MDN1: variants seen among roughly 807,000 people sequenced by gnomAD.
MDN1 encodes the protein midasin AAA ATPase 1.
MDN1 carries 266 observed loss-of-function variants against 669.2 expected under a neutral mutation model. That is an observed-to-expected ratio of 0.40 (90% CI 0.36 to 0.44). MDN1 has a LOEUF of 0.44. Among genes scored for constraint, MDN1 ranks in the 20% least tolerant of loss-of-function variants. The pLI is 1.00. For synonymous variants in MDN1, 2,385 were observed against 2,457.1 expected (o/e 0.97, Z 0.87); for missense variants, 5,940 against 6,754.0 (o/e 0.88, Z 4.22).
chr6:89,746,611 A>AAAAAAAAAAAAGAAAG (rs1554191094), intron 27 of MDN1, among the ~76,000 whole-genome samples: 1 of 40,532 alleles, frequency 2.5e-5, no homozygotes, highest in African/African-American at 9.1e-5. Flanking sequence ...AAAAAAAAAA[A>AAAAAAAAAAAAGAAAG]AAAGAAAGAA....
chr6:89,739,813 T>C (rs1224669158), intron 32 of MDN1, among the ~76,000 whole-genome samples: 1 of 152,234 alleles, frequency 6.6e-6, no homozygotes, highest in African/African-American at 2.4e-5. Flanking sequence ...GGTTGTGACT[T>C]TTTTGTCACT....
intron 48 of MDN1, 54 bp from the exon 49 acceptor site, chr6:89,712,310 A>G (rs1813996072): frequency 6.9e-7 from 1 of 1,456,050 alleles, no homozygotes. Flanking sequence ...TTTATTTCAC[A>G]TTCCAAATAA....
Position 89,690,682 on chromosome 6 carries a change from C to A in MDN1, c.10740G>T (p.Leu3580=). 6.2e-7 allele frequency: 1 copy of A among 1,613,980 alleles called. No individual in the cohort carries two copies. The highest frequency in any genetic ancestry group is 8.5e-7 in the Non-Finnish European group (1 of 1,179,962). ...GCCATCACTGCTCTACCTTTTCATGCAGGGGGAACTGTTTTCTGAACTCCC... is the reference window on the plus strand; with the variant it reads ...GCCATCACTGCTCTACCTTTTCATGAAGGGGGAACTGTTTTCTGAACTCCC... ...EEREFRKQFP[L]HEKDFADILV... is the part of the protein sequence containing the mutation. The change falls in exon 64 of 102, where the codon CTG becomes CTT. Residue 3580 remains leucine, a synonymous_variant. Transcript: ENST00000369393.
At chr6:89,785,166 A>G (rs749309736) in intron 8 of MDN1, 40 bp from the exon 9 acceptor site, 2 of 1,410,384 alleles carry the variant, frequency 1.4e-6, no homozygotes, top group Admixed American at 1.7e-5. Context: ...ACAAAATTCC[A>G]AATTTTAATC....
At chr6:89,664,860 T>TA (rs1400987538) in intron 84 of MDN1, among the ~76,000 whole-genome samples, 1 of 152,160 alleles carries the variant, frequency 6.6e-6, no homozygotes, top group Non-Finnish European at 1.5e-5. Flanking sequence ...ATTGTAAAAA[T>TA]AGTCCCAGAG....
chr6:89,773,012 T>C (rs1189898295), intron 13 of MDN1, among the ~76,000 whole-genome samples: 1 of 152,238 alleles, frequency 6.6e-6, no homozygotes, highest in Non-Finnish European at 1.5e-5. Flanking sequence ...TTACTTAATG[T>C]GTCTTAGCCT....
chr6:89,692,827 C>T lies in MDN1; in HGVS notation c.10203G>A (p.Gln3401=). The change falls in exon 63 of 102, where the codon CAG becomes CAA. Residue 3401 remains glutamine, a synonymous_variant. Coordinates refer to ENST00000369393, the MANE Select transcript of MDN1 (RefSeq NM_014611.3). ...TFYPDAVSPL[Q]ASILQLQHGM... is the part of the protein sequence containing the mutation. Reference sequence around the variant, plus strand: ...CATGTTGTAACTGCAATATGGATGCCTGCAGTGGGCTCACGGCATCTGGAT... The same window carrying T: ...CATGTTGTAACTGCAATATGGATGCTTGCAGTGGGCTCACGGCATCTGGAT... The T allele has an allele frequency of 6.2e-7, 1 of 1,614,234 alleles. No individual in the cohort carries two copies. Among genetic ancestry groups the T allele is most frequent in the Non-Finnish European group, 8.5e-7 (1 of 1,180,044 alleles).
chr6:89,761,713 G>T lies in MDN1; in HGVS notation c.2392C>A (p.Leu798Ile). The change falls in exon 17 of 102, where the codon CTT (leucine) becomes ATT (isoleucine). Residue 798 changes from leucine to isoleucine, a missense_variant. Leu to Ile is a conservative substitution (Grantham distance 5). This residue lies in a region of MDN1 where 1,203 missense variants were observed against 1,268.9 expected (regional missense o/e 0.95). Transcript: ENST00000369393. ...TGTTGTTGGGCATGGTTGAGTCTAAGACCAAATGCTTCCCATTTCTCTTTT... is the reference window on the plus strand; with the variant it reads ...TGTTGTTGGGCATGGTTGAGTCTAATACCAAATGCTTCCCATTTCTCTTTT... ...LIKEKWEAFGLRLNHAQQQMK... is the reference protein window; with the variant it reads ...LIKEKWEAFGIRLNHAQQQMK... 2.5e-6 allele frequency: 4 copies of T among 1,611,390 alleles called. No homozygotes were observed. The highest frequency in any genetic ancestry group is 3.4e-6 in the Non-Finnish European group (4 of 1,178,692).
chr6:89,705,835 G>C (rs369552787), intron 53 of MDN1, among the ~76,000 whole-genome samples: 8 of 152,172 alleles, frequency 5.3e-5, no homozygotes, highest in Admixed American at 3.3e-4. Context: ...GTGTATACAT[G>C]TCAAGACTTA....
rs1165217601 is a variant in MDN1 at position 89,661,543 on chromosome 6, A to G, written c.14601T>C (p.His4867=). ...DYDENEVDPY[H]GNQEKVPEPE... ...GTTCTGGCACCTTTTCCTGATTGCC[A>G]TGGTAAGGGTCCACCTCATTTTCAT... Residue 4867 remains histidine, a synonymous_variant, in exon 88 of 102, where the codon CAT becomes CAC. Coordinates refer to ENST00000369393, the MANE Select transcript of MDN1 (RefSeq NM_014611.3). The G allele has an allele frequency of 1.9e-6, 3 of 1,614,092 alleles. No individual in the cohort carries two copies. The highest frequency in any genetic ancestry group is 1.3e-5 in the African/African-American group (1 of 74,934).
At chr6:89,701,387 G>A (rs1813150764) in intron 55 of MDN1, among the ~76,000 whole-genome samples, 171 bp downstream of exon 55, 1 of 152,182 alleles carries the variant, frequency 6.6e-6, no homozygotes, top group Admixed American at 6.5e-5. Flanking sequence ...CTGGAGGTTT[G>A]TATCCAAGGA....
intron 38 of MDN1, among the ~76,000 whole-genome samples, chr6:89,723,954 C>T (rs1449582553): frequency 6.6e-6 from 1 of 152,030 alleles, no homozygotes; most frequent in Non-Finnish European, 1.5e-5. Context: ...ACCATCCTGA[C>T]CAGCATGACG....
intron 61 of MDN1, among the ~76,000 whole-genome samples, chr6:89,694,654 C>T (rs1167075990): frequency 6.6e-6 from 1 of 152,094 alleles, no homozygotes; most frequent in African/African-American, 2.4e-5. Context: ...AGTGATCCTC[C>T]TGCTTCAGCC....
intron 2 of MDN1, 123 bp downstream of exon 2, chr6:89,803,205 C>T (rs941220616): frequency 2.1e-5 from 17 of 814,808 alleles, no homozygotes; most frequent in East Asian, 2.0e-4. Flanking sequence ...TAAAACAATA[C>T]TATTTATCTC....
chr6:89,676,231 T>G, intron 76 of MDN1, 24 bp from the exon 77 acceptor site: 1 of 1,608,472 alleles, frequency 6.2e-7, no homozygotes, highest in East Asian at 2.2e-5. Flanking sequence ...CAACATTGTT[T>G]ACTTAATTAA....
intron 33 of MDN1, among the ~76,000 whole-genome samples, chr6:89,734,937 C>G (rs1405001026): frequency 6.6e-6 from 1 of 151,240 alleles, no homozygotes; most frequent in African/African-American, 2.4e-5. Context: ...GTTGCCCAGG[C>G]TGGAGTGAAG....
In MDN1 at chr6:89,745,487, C is replaced by A. The variant is rs1562171292; in HGVS notation, c.4039+5G>T. 5 of 1,614,066 alleles carry A rather than the reference C, an allele frequency of 3.1e-6. No individual in the cohort carries two copies. Among genetic ancestry groups the A allele is most frequent in the Non-Finnish European group, 4.2e-6 (5 of 1,179,976 alleles). Reference sequence around the variant, plus strand: ...ATATTCCTCTAGGGATTTTGGCCTACTCACCCAGCAATTTTAGAACATTTT... The same window carrying A: ...ATATTCCTCTAGGGATTTTGGCCTAATCACCCAGCAATTTTAGAACATTTT... On this transcript the variant is annotated splice_donor_5th_base_variant and intron_variant, in intron 28 of 101. Coordinates refer to ENST00000369393, the MANE Select transcript of MDN1 (RefSeq NM_014611.3).
intron 49 of MDN1, among the ~76,000 whole-genome samples, chr6:89,711,230 T>C (rs1813894713): frequency 1.3e-5 from 2 of 152,198 alleles, no homozygotes; most frequent in African/African-American, 4.8e-5. Context: ...TGTTGCTTTG[T>C]CCTCTCTTAA....
intron 69 of MDN1, 121 bp downstream of exon 69, chr6:89,686,781 G>T: frequency 7.7e-7 from 1 of 1,306,790 alleles, no homozygotes; most frequent in Non-Finnish European, 1.1e-6. Context: ...AAGTCAAATG[G>T]GAGGCATTCC....
Sources: allele counts gnomAD v4.1 joint callset (sites outside exome capture counted in the v4.1 genomes callset), GRCh38; gene constraint gnomAD v4.1.1; regional missense constraint gnomAD v4.1.1; transcripts MANE v1.5; gene names NCBI Gene and HGNC (gene_info 2026-07-23, HGNC 2026-07-21).